The following ABCB11 variants were observed in gnomAD, a reference collection of about 807,000 sequenced individuals.
The protein encoded by ABCB11 is ATP binding cassette subfamily B member 11, also known as bile salt export pump.
Under a neutral mutation model 148.0 loss-of-function variants are expected in ABCB11, and 95 were observed. The observed-to-expected ratio is 0.64, with a 90% confidence interval of 0.54 to 0.76. The LOEUF (loss-of-function observed/expected upper bound fraction) is 0.76, where lower values mean the gene tolerates loss of function less well. ABCB11 is among the 30% of genes least tolerant of loss of function. ABCB11 has a pLI of 0.00. For synonymous variants in ABCB11, 591 were observed against 555.4 expected (o/e 1.06, Z -0.90); for missense variants, 1,523 against 1,617.8 (o/e 0.94, Z 1.01).
rs556091257 is a variant in ABCB11 at position 168,947,237 on chromosome 2, C to T, written c.2344-2276G>A. On this transcript the variant is annotated intron_variant, in intron 19 of 27. Transcript: ENST00000650372. ...CAACCCAGTGAGGTAGATTTTCTTG[C>T]TCCTTATACAGATGAGGAAATTTAT... 3.3e-5 allele frequency among the ~76,000 whole-genome samples: 5 copies of T among 151,848 alleles called. No homozygotes were observed. The East Asian group carries it at 7.8e-4, about 24-fold the overall frequency.
intron 1 of ABCB11, among the ~76,000 whole-genome samples, chr2:169,030,712 C>T (rs10181388): frequency 1.1e-3 from 154 of 133,918 alleles, no homozygotes; most frequent in African/African-American, 3.8e-3. Context: ...ATCCACAGCT[C>T]ATTTTTTTTT....
chr2:168,917,594 C>G (rs1485803357), downstream of ABCB11, among the ~76,000 whole-genome samples: 1 of 152,164 alleles, frequency 6.6e-6, no homozygotes, highest in South Asian at 2.1e-4. Context: ...GCCAGTGTAG[C>G]TCTATGACTT....
intron 2 of ABCB11, 124 bp from the exon 3 acceptor site, chr2:169,016,923 C>A: frequency 1.4e-4 from 86 of 593,708 alleles, no homozygotes; most frequent in Non-Finnish European, 1.9e-4. Flanking sequence ...GGAATATTAG[C>A]AAATGACTAT....
chr2:168,990,982 T>A, intron 8 of ABCB11, 57 bp from the exon 9 acceptor site: 1 of 1,577,032 alleles, frequency 6.3e-7, no homozygotes, highest in Non-Finnish European at 8.7e-7. Context: ...GGTAAGTCAG[T>A]CTGTCATTCA....
chr2:169,003,325 T>C (rs1324791634), intron 5 of ABCB11, among the ~76,000 whole-genome samples: 2 of 133,170 alleles, frequency 1.5e-5, no homozygotes, highest in African/African-American at 2.9e-5. Context: ...CCATGGTGCG[T>C]GTGTGTGTGT....
chr2:168,936,070 T>G (rs1395318211), intron 22 of ABCB11, among the ~76,000 whole-genome samples, 160 bp downstream of exon 22: 6 of 152,218 alleles, frequency 3.9e-5, no homozygotes, highest in Non-Finnish European at 8.8e-5. Context: ...GCCTCAGCCT[T>G]TGCGCCAAGC....
chr2:168,953,858 G>A (rs1036497001), intron 19 of ABCB11, among the ~76,000 whole-genome samples: 1 of 151,610 alleles, frequency 6.6e-6, no homozygotes, highest in Non-Finnish European at 1.5e-5. Flanking sequence ...AAGCTCAAAA[G>A]AATGTAACCA....
In ABCB11 at chr2:168,993,796, A is replaced by G. The variant is rs758339239; in HGVS notation, c.698T>C (p.Leu233Ser). 6.2e-6 allele frequency: 10 copies of G among 1,611,562 alleles called. No homozygotes were observed. In the Admixed American group the frequency reaches 1.3e-4, roughly 22 times the overall value. Residue 233 changes from leucine to serine, a missense_variant, in exon 8 of 28, where the codon TTG (leucine) becomes TCG (serine). Leu to Ser is a moderately radical substitution (Grantham distance 145, BLOSUM62 -2). Transcript: ENST00000650372. ...RMTSTICGFL[L>S]GFFRGWKLTL... ...CAGTTTCCAACCCCTGAAAAATCCC[A>G]ACAGGAAACCACAGATGGTCGAGGT...
intron 5 of ABCB11, among the ~76,000 whole-genome samples, chr2:169,012,528 T>C (rs974439633): frequency 6.6e-6 from 1 of 151,984 alleles, no homozygotes; most frequent in African/African-American, 2.4e-5. Context: ...GCAGATGACC[T>C]GAGGAGATTG....
intron 5 of ABCB11, among the ~76,000 whole-genome samples, chr2:169,008,947 T>C (rs1252827608): frequency 3.9e-5 from 6 of 152,158 alleles, no homozygotes; most frequent in Non-Finnish European, 8.8e-5. Flanking sequence ...TATAACGAAA[T>C]ATTATTTAGC....
intron 5 of ABCB11, among the ~76,000 whole-genome samples, chr2:169,010,196 C>G (rs180743218): frequency 6.6e-6 from 1 of 152,130 alleles, no homozygotes; most frequent in African/African-American, 2.4e-5. Context: ...TTAAGTTACA[C>G]GAGACTTTGT....
chr2:169,003,402 A>G (rs1694936468), intron 5 of ABCB11, among the ~76,000 whole-genome samples: 1 of 149,258 alleles, frequency 6.7e-6, no homozygotes, highest in Admixed American at 6.7e-5. Flanking sequence ...AATATATAGT[A>G]ATATAAAATG....
At chr2:168,966,921 G>C (rs1006333573) in intron 17 of ABCB11, among the ~76,000 whole-genome samples, 3 of 151,852 alleles carry the variant, frequency 2.0e-5, no homozygotes, top group African/African-American at 7.2e-5. Context: ...AGAAATTATA[G>C]CCAAATTAAT....
intron 8 of ABCB11, among the ~76,000 whole-genome samples, chr2:168,992,648 C>G (rs1345258515): frequency 6.6e-6 from 1 of 151,984 alleles, no homozygotes; most frequent in African/African-American, 2.4e-5. Flanking sequence ...GAGGTATTAT[C>G]CCTATTTTAA....
chr2:168,944,888 C>G lies in ABCB11; in HGVS notation c.2417G>C (p.Gly806Ala). Residue 806 changes from glycine to alanine, a missense_variant, in exon 20 of 28, where the codon GGC (glycine) becomes GCC (alanine). By Grantham distance (60) the Gly-to-Ala change is moderately conservative. Coordinates refer to ENST00000650372, the MANE Select transcript of ABCB11 (RefSeq NM_003742.4). Reference sequence around the variant, plus strand: ...AAATTGGGTGAAAAGAGATACACAGCCCATTGCTACAAAAAGTAGGCACAC... The same window carrying G: ...AAATTGGGTGAAAAGAGATACACAGGCCATTGCTACAAAAAGTAGGCACAC... ...NGVCLLFVAM[G>A]CVSLFTQFLQ... 1 of 1,581,078 alleles carries G rather than the reference C, an allele frequency of 6.3e-7. No homozygotes were observed. Among genetic ancestry groups the G allele is most frequent in the Non-Finnish European group, 8.6e-7 (1 of 1,161,852 alleles).
At chr2:168,994,256 T>C (rs543267206) in intron 7 of ABCB11, among the ~76,000 whole-genome samples, 5 of 152,214 alleles carry the variant, frequency 3.3e-5, no homozygotes, top group South Asian at 2.1e-4. Flanking sequence ...TCACATACCT[T>C]CTCGTGCATC....
chr2:169,012,569 A>G (rs1452795642), intron 5 of ABCB11, among the ~76,000 whole-genome samples: 1 of 151,732 alleles, frequency 6.6e-6, no homozygotes, highest in East Asian at 2.0e-4. Flanking sequence ...GTGAAACCCC[A>G]TCTCTACTAA....
downstream of ABCB11, among the ~76,000 whole-genome samples, chr2:168,916,522 C>T (rs1457718823): frequency 6.6e-6 from 1 of 152,190 alleles, no homozygotes; most frequent in Non-Finnish European, 1.5e-5. Context: ...CATTATAATG[C>T]TGGCCAGTGC....
At chr2:169,012,767 AAAC>A (rs2106046478) in intron 5 of ABCB11, among the ~76,000 whole-genome samples, 1 of 151,556 alleles carries the variant, frequency 6.6e-6, no homozygotes, top group Non-Finnish European at 1.5e-5. Flanking sequence ...AAAAAGAAAA[AAAC>A]AAACTCAACT....
Sources: allele counts gnomAD v4.1 joint callset (sites outside exome capture counted in the v4.1 genomes callset), GRCh38; gene constraint gnomAD v4.1.1; transcripts MANE v1.5; gene names NCBI Gene and HGNC (gene_info 2026-07-23, HGNC 2026-07-21).